Variants in CAMK4 observed in about 807,000 individuals in gnomAD.
CAMK4 encodes calcium/calmodulin-dependent protein kinase type IV.
In CAMK4, 22 loss-of-function variants were observed where a neutral mutation model predicts 44.9. The ratio of observed to expected loss-of-function variants is 0.49; its 90% CI spans 0.35 to 0.70. The LOEUF (loss-of-function observed/expected upper bound fraction) is 0.70, where lower values mean the gene tolerates loss of function less well. Among genes scored for constraint, CAMK4 ranks in the 30% least tolerant of loss-of-function variants. The pLI, the probability that CAMK4 is intolerant of heterozygous loss-of-function variation, is 0.01. For synonymous variants in CAMK4, 218 were observed against 215.4 expected (o/e 1.01, Z -0.11); for missense variants, 498 against 586.8 (o/e 0.85, Z 1.56).
intron 2 of CAMK4, among the ~76,000 whole-genome samples, chr5:111,366,437 C>CT (rs1431151672): frequency 3.3e-4 from 51 of 152,252 alleles, no homozygotes; most frequent in Admixed American, 3.3e-3. Context: ...CTAAGATAGC[C>CT]AGGTTGTTCA....
At chr5:111,373,411 A>G (rs1292406683) in intron 2 of CAMK4, among the ~76,000 whole-genome samples, 2 of 65,538 alleles carry the variant, frequency 3.1e-5, no homozygotes, top group Non-Finnish European at 6.3e-5. Context: ...TATTTTCCAG[A>G]TAAAATAAAT....
intron 1 of CAMK4, among the ~76,000 whole-genome samples, chr5:111,288,608 T>G (rs1751326702): frequency 6.6e-6 from 1 of 152,246 alleles, no homozygotes; most frequent in African/African-American, 2.4e-5. Flanking sequence ...TATTTTTCTA[T>G]TATATTGTTT....
At chr5:111,295,880 A>C (rs967798801) in intron 1 of CAMK4, among the ~76,000 whole-genome samples, 18 of 152,200 alleles carry the variant, frequency 1.2e-4, no homozygotes, top group Non-Finnish European at 2.6e-4. Context: ...CATATAACAA[A>C]AATTGGAGTT....
At chr5:111,339,562 C>G (rs896349291) in intron 1 of CAMK4, among the ~76,000 whole-genome samples, 4 of 151,408 alleles carry the variant, frequency 2.6e-5, no homozygotes, top group Admixed American at 6.6e-5. Context: ...TTTCAGGGAT[C>G]TCTATTTGTT....
intron 5 of CAMK4, among the ~76,000 whole-genome samples, chr5:111,433,897 T>C (rs1303374574): frequency 6.6e-6 from 1 of 152,214 alleles, no homozygotes; most frequent in African/African-American, 2.4e-5. Flanking sequence ...TAGCTAGTGA[T>C]TTCAAGTGAC....
At chr5:111,276,052 C>T (rs1294404293) in intron 1 of CAMK4, among the ~76,000 whole-genome samples, 1 of 152,106 alleles carries the variant, frequency 6.6e-6, no homozygotes, top group Admixed American at 6.5e-5. Context: ...TGATCTGTGT[C>T]TGCTTATTTT....
chr5:111,372,185 A>T (rs898021245), intron 2 of CAMK4, among the ~76,000 whole-genome samples: 2 of 152,306 alleles, frequency 1.3e-5, no homozygotes, highest in South Asian at 2.1e-4. Context: ...AGAGAGTAAT[A>T]CTTCAGGATC....
rs997898149 is a variant in CAMK4, at chr5:111,446,540, CAG to C, written c.460-144_460-143del. ...ATTATTTAATGTATACAGTTTAAAACAGATTTTCCTTTATGGTACTTATTGTT... is the reference window on the plus strand; with the variant it reads ...ATTATTTAATGTATACAGTTTAAAACATTTTCCTTTATGGTACTTATTGTT... On this transcript the variant is annotated intron_variant, in intron 5 of 10. Transcript: ENST00000282356. The C allele has an allele frequency of 2.7e-5, 15 of 555,588 alleles. No homozygotes were observed. The African/African-American group carries it at 2.9e-4, about 11-fold the overall frequency. The allele number at this position is 555,588 out of a possible 1,614,324, so 34.4% of individuals were successfully genotyped here. A position where few individuals can be genotyped will look rare whatever the true frequency, so the allele number is the denominator to read the frequency against.
chr5:111,386,714 C>T (rs552310836), intron 4 of CAMK4, among the ~76,000 whole-genome samples: 25 of 152,212 alleles, frequency 1.6e-4, no homozygotes, highest in Non-Finnish European at 3.4e-4. Flanking sequence ...GAGAAGAGCA[C>T]GGGCACCAGC....
At chr5:111,388,022 T>C (rs1456235196) in intron 4 of CAMK4, among the ~76,000 whole-genome samples, 1 of 152,188 alleles carries the variant, frequency 6.6e-6, no homozygotes, top group Non-Finnish European at 1.5e-5. Flanking sequence ...GCTCAACTTA[T>C]AAAATATTTA....
intron 1 of CAMK4, among the ~76,000 whole-genome samples, chr5:111,335,944 C>A (rs1749383511): frequency 6.6e-6 from 1 of 151,204 alleles, no homozygotes; most frequent in Non-Finnish European, 1.5e-5. Context: ...ATATTTTTAA[C>A]TTTTTGCCTT....
At chr5:111,255,321 A>C (rs1487651356) in intron 1 of CAMK4, among the ~76,000 whole-genome samples, 3 of 152,184 alleles carry the variant, frequency 2.0e-5, no homozygotes, top group Non-Finnish European at 4.4e-5. Flanking sequence ...AACTCTTCCC[A>C]AGTATCAAGC....
At chr5:111,329,915 C>T (rs1453799702) in intron 1 of CAMK4, among the ~76,000 whole-genome samples, 3 of 151,702 alleles carry the variant, frequency 2.0e-5, no homozygotes, top group Non-Finnish European at 4.4e-5. Context: ...TGAATGCTTT[C>T]ACTTTAAGAT....
At chr5:111,324,129 A>T (rs566928244) in intron 1 of CAMK4, among the ~76,000 whole-genome samples, 2 of 152,038 alleles carry the variant, frequency 1.3e-5, no homozygotes, top group East Asian at 3.9e-4. Context: ...AGATTAAAAA[A>T]TAATAAAATA....
At chr5:111,236,783 C>T (rs185142791) in intron 1 of CAMK4, among the ~76,000 whole-genome samples, 1 of 152,310 alleles carries the variant, frequency 6.6e-6, no homozygotes, top group East Asian at 1.9e-4. Flanking sequence ...TCTTCACCAC[C>T]AGAACATCTG....
At chr5:111,288,667 C>T (rs183695667) in intron 1 of CAMK4, among the ~76,000 whole-genome samples, 2 of 152,170 alleles carry the variant, frequency 1.3e-5, no homozygotes, top group African/African-American at 4.8e-5. Context: ...CTCTTAGCCT[C>T]CTTTCCTCTT....
At position 111,443,328 on chromosome 5, in the gene CAMK4, C is replaced by CTATATATACTA. The variant is rs1177456011; in HGVS notation, c.460-3338_460-3328dup. ...CACACACACACACTATATATATATA[C>CTATATATACTA]TATATATACTATATATATACTATAT... On this transcript the variant is annotated intron_variant, in intron 5 of 10. Transcript: ENST00000282356. Among the ~76,000 whole-genome samples, 95 of 106,020 alleles carry CTATATATACTA rather than the reference C, an allele frequency of 9.0e-4. No homozygotes were observed. In the Middle Eastern group the frequency reaches 0.027, roughly 30 times the overall value. 69.6% of individuals were successfully genotyped at this position (106,020 alleles called of 152,430 possible).
rs115596926 is a variant in CAMK4 at position 111,360,266 on chromosome 5, C to T, written c.241-14584C>T. ...ATCTGTCTCTCAGAGCAATGTTTTC[C>T]TTACCCTGTTATTTCCCACTGGCCT... On this transcript the variant is annotated intron_variant, in intron 2 of 10. Transcript: ENST00000282356. Among the ~76,000 whole-genome samples the T allele has an allele frequency of 6.3e-3, 963 of 152,112 alleles. 4 individuals are homozygous for T. The highest frequency in any genetic ancestry group is 0.021 in the African/African-American group (892 of 41,518).
At chr5:111,423,724 G>A (rs992212263) in intron 5 of CAMK4, among the ~76,000 whole-genome samples, 2 of 152,132 alleles carry the variant, frequency 1.3e-5, no homozygotes, top group African/African-American at 4.8e-5. Context: ...TGTATAAAAT[G>A]GGCCAGTTAG....
Sources: gnomAD v4.1 joint callset for allele counts (sites outside exome capture counted in the v4.1 genomes callset) on GRCh38, gnomAD v4.1.1 for gene constraint, MANE v1.5 for transcripts, NCBI Gene and HGNC (gene_info 2026-07-23, HGNC 2026-07-21) for gene names.